The following DIXDC1 variants were observed in gnomAD, a reference collection of about 807,000 sequenced individuals.
The protein encoded by DIXDC1 is DIX domain containing 1.
A neutral mutation model predicts 103.1 loss-of-function variants in DIXDC1; 64 were observed. The observed-to-expected ratio is 0.62, with a 90% CI of 0.51 to 0.76. The LOEUF is 0.76. Among genes scored for constraint, DIXDC1 ranks in the 30% least tolerant of loss-of-function variants. DIXDC1 has a pLI of 0.00. For missense variants in DIXDC1, 759 were observed against 834.2 expected (o/e 0.91, Z 1.11); for synonymous variants, 266 against 298.5 (o/e 0.89, Z 1.12).
rs587705548 is a variant in DIXDC1, at chr11:111,996,024, C to T, written c.1690-56C>T. 6 of 1,530,214 alleles carry T rather than the reference C, an allele frequency of 3.9e-6. No individual in the cohort carries two copies. In the African/African-American group the frequency reaches 6.8e-5, roughly 17 times the overall value. 94.8% of individuals were successfully genotyped at this position (1,530,214 alleles called of 1,614,324 possible). ...AAGCACACTTTTATGATTTAAATTTCTTGGTTAAGTTCTCTCATTGATCAT... is the reference window on the plus strand; with the variant it reads ...AAGCACACTTTTATGATTTAAATTTTTTGGTTAAGTTCTCTCATTGATCAT... On this transcript the variant is annotated intron_variant, in intron 16 of 19. Coordinates refer to ENST00000440460, the MANE Select transcript of DIXDC1 (RefSeq NM_001037954.4).
intron 1 of DIXDC1, 54 bp from the exon 2 acceptor site, chr11:111,964,495 A>G: frequency 6.4e-7 from 1 of 1,551,406 alleles, no homozygotes; most frequent in East Asian, 2.4e-5. Flanking sequence ...GGTATGAGGT[A>G]AGGGTTGAGA....
chr11:111,966,594 G>A (rs1329269900), intron 2 of DIXDC1, among the ~76,000 whole-genome samples: 5 of 151,988 alleles, frequency 3.3e-5, no homozygotes, highest in South Asian at 2.1e-4. Flanking sequence ...TAGTAGAGAC[G>A]GGGTTTCACC....
chr11:111,970,198 G>A (rs1391359566), intron 3 of DIXDC1, among the ~76,000 whole-genome samples: 2 of 152,152 alleles, frequency 1.3e-5, no homozygotes, highest in African/African-American at 2.4e-5. Context: ...TGGAACTACA[G>A]GCATGCGCCA....
At chr11:111,946,854 G>T in intron 1 of DIXDC1, 1 of 393,468 alleles carries the variant, frequency 2.5e-6, no homozygotes, top group Non-Finnish European at 5.2e-6. Flanking sequence ...AGGCTGTATT[G>T]CAGAAAAGCC....
rs1966246188 is a variant in DIXDC1, at chr11:111,937,459, C to T, written c.-41C>T. The stretch of plus-strand genomic sequence containing the variant: ...GAGGAGGAGGAGGCGGCGGCGGCCG[C>T]CGGGCTGGAGACCCCGCCCGGGGAG... On this transcript the variant is annotated 5_prime_UTR_variant, in exon 1 of 20. Coordinates refer to ENST00000440460, the MANE Select transcript of DIXDC1 (RefSeq NM_001037954.4). 6.4e-7 allele frequency: 1 copy of T among 1,555,854 alleles called. No homozygotes were observed.
chr11:111,949,535 T>C (rs1335461332), intron 1 of DIXDC1, among the ~76,000 whole-genome samples: 2 of 152,260 alleles, frequency 1.3e-5, no homozygotes, highest in Non-Finnish European at 2.9e-5. Context: ...GCTTGAATTA[T>C]TGCCTGGGCT....
chr11:111,935,125 T>TA (rs1402263666), upstream of DIXDC1, among the ~76,000 whole-genome samples: 1 of 148,022 alleles, frequency 6.8e-6, no homozygotes, highest in East Asian at 1.9e-4. Context: ...TAATACATTT[T>TA]AAAAAATCAA....
chr11:111,961,898 T>G (rs373589827), intron 1 of DIXDC1, among the ~76,000 whole-genome samples: 1 of 152,240 alleles, frequency 6.6e-6, no homozygotes, highest in Non-Finnish European at 1.5e-5. Flanking sequence ...CCTTAGCTCC[T>G]TTGAGCTCAC....
chr11:111,955,765 T>C (rs1442484468), intron 1 of DIXDC1, among the ~76,000 whole-genome samples: 1 of 128,844 alleles, frequency 7.8e-6, no homozygotes, highest in South Asian at 2.3e-4. Flanking sequence ...AACCTGGAGG[T>C]AGAGGTTGCA....
intron 1 of DIXDC1, among the ~76,000 whole-genome samples, chr11:111,938,587 C>G (rs909515394): frequency 3.3e-5 from 5 of 152,206 alleles, no homozygotes; most frequent in African/African-American, 4.8e-5. Context: ...TGGCTCCCCC[C>G]ACCCATTCCA....
chr11:112,022,429 C>T lies in DIXDC1; in HGVS notation c.*3393C>T, dbSNP rs992487691. 6 of 152,572 alleles carry T rather than the reference C, an allele frequency of 3.9e-5. No individual in the cohort carries two copies. Among genetic ancestry groups the T allele is most frequent in the Non-Finnish European group, 8.8e-5 (6 of 68,022 alleles). 9.5% of individuals were successfully genotyped at this position (152,572 alleles called of 1,614,324 possible). The stretch of plus-strand genomic sequence containing the variant: ...TTCAAAGAGATTATTACTGTGTATT[C>T]TCCCTGTTTTACAATATGTTTTCAT... On this transcript the variant is annotated 3_prime_UTR_variant, in exon 20 of 20. Coordinates refer to ENST00000440460, the MANE Select transcript of DIXDC1 (RefSeq NM_001037954.4). The surrounding 1 kb of genome is among the most constrained non-coding windows in gnomAD (Gnocchi z 4.9).
intron 10 of DIXDC1, among the ~76,000 whole-genome samples, chr11:111,991,784 C>A (rs1860720064): frequency 6.6e-6 from 1 of 152,188 alleles, no homozygotes; most frequent in African/African-American, 2.4e-5. Context: ...AAATATAATT[C>A]TAATCCTGGT....
intron 1 of DIXDC1, among the ~76,000 whole-genome samples, chr11:111,951,039 GA>G (rs1966787641): frequency 1.3e-5 from 2 of 150,176 alleles, no homozygotes; most frequent in South Asian, 4.2e-4. Context: ...GCATAAATAA[GA>G]AAAAAAAGGG....
At chr11:111,928,496 C>T (rs1224429130) in intron 1 of DIXDC1, 1 of 152,314 alleles carries the variant, frequency 6.6e-6, no homozygotes, top group Non-Finnish European at 1.5e-5. Flanking sequence ...CGCGGTGGCT[C>T]ATGCCTATAA....
intron 17 of DIXDC1, among the ~76,000 whole-genome samples, chr11:112,012,115 A>C (rs1861441126): frequency 6.6e-6 from 1 of 152,238 alleles, no homozygotes; most frequent in Non-Finnish European, 1.5e-5. Flanking sequence ...CAACATTGTT[A>C]AGATGGCCTA....
At chr11:112,013,640 G>A (rs1472439091) in intron 17 of DIXDC1, among the ~76,000 whole-genome samples, 1 of 152,082 alleles carries the variant, frequency 6.6e-6, no homozygotes, top group Non-Finnish European at 1.5e-5. Flanking sequence ...TATACCCTAT[G>A]TTCAACTATA....
In DIXDC1 at chr11:111,992,549, G is replaced by A. The variant is rs1242483537; in HGVS notation, c.1218+30G>A. ...GTTAAATGAATGAGCCTTGACCTCA[G>A]TGAGCCCCATTAGCAGAACAGGCTA... is the stretch of plus-strand genomic sequence containing the variant. On this transcript the variant is annotated intron_variant, in intron 11 of 19. Coordinates refer to ENST00000440460, the MANE Select transcript of DIXDC1 (RefSeq NM_001037954.4). The A allele has an allele frequency of 7.8e-6, 12 of 1,536,040 alleles. No individual in the cohort carries two copies. The African/African-American group carries it at 1.6e-4, about 21-fold the overall frequency.
At chr11:111,955,987 TACACACACACACACACACACAC>T (rs71461600) in intron 1 of DIXDC1, among the ~76,000 whole-genome samples, 1 of 142,534 alleles carries the variant, frequency 7.0e-6, no homozygotes, top group South Asian at 2.3e-4. Context: ...TATATATGTG[TACACACACACACACACACACAC>T]ACACACACAC....
chr11:111,992,828 C>A, intron 11 of DIXDC1, 123 bp from the exon 12 acceptor site: 1 of 978,248 alleles, frequency 1.0e-6, no homozygotes, highest in Admixed American at 2.7e-5. Context: ...TGTATTTTTA[C>A]CATCATACCC....
Sources: allele counts gnomAD v4.1 joint callset (sites outside exome capture counted in the v4.1 genomes callset), GRCh38; gene constraint gnomAD v4.1.1; non-coding constraint Gnocchi (gnomAD v3.1); transcripts MANE v1.5; gene names NCBI Gene and HGNC (gene_info 2026-07-23, HGNC 2026-07-21).